Variants in CDIN1 observed in about 807,000 individuals in gnomAD.
CDIN1 encodes the protein CDAN1 interacting nuclease 1.
Under a neutral mutation model 45.3 loss-of-function variants are expected in CDIN1, and 33 were observed. The ratio of observed to expected loss-of-function variants is 0.73; its 90% CI spans 0.55 to 0.97. The LOEUF (loss-of-function observed/expected upper bound fraction) is 0.97, where lower values mean the gene tolerates loss of function less well. Ranked by LOEUF, CDIN1 falls within the 50% of genes least tolerant of loss-of-function variation. The probability of loss-of-function intolerance (pLI) is 0.00; values close to 1 mark genes in which losing one functional copy is unlikely to be tolerated. For synonymous variants in CDIN1, 118 were observed against 124.4 expected (o/e 0.95, Z 0.34); for missense variants, 303 against 339.4 (o/e 0.89, Z 0.84).
chr15:36,737,815 G>A (rs1212443398), intron 10 of CDIN1, among the ~76,000 whole-genome samples: 2 of 152,190 alleles, frequency 1.3e-5, no homozygotes, highest in African/African-American at 4.8e-5. Flanking sequence ...CTGGGTGTGG[G>A]AGGTACATAG....
intron 10 of CDIN1, among the ~76,000 whole-genome samples, chr15:36,782,439 T>C (rs2054377055): frequency 6.6e-6 from 1 of 152,208 alleles, no homozygotes; most frequent in African/African-American, 2.4e-5. Flanking sequence ...ACTAATAATT[T>C]AGCATTTTTG....
chr15:36,774,290 A>G (rs2054163771), intron 10 of CDIN1, among the ~76,000 whole-genome samples: 1 of 152,136 alleles, frequency 6.6e-6, no homozygotes, highest in African/African-American at 2.4e-5. Context: ...CAAACTGGAA[A>G]TTCATCTAAA....
At chr15:36,796,519 C>T (rs2054804491) in intron 10 of CDIN1, among the ~76,000 whole-genome samples, 1 of 152,216 alleles carries the variant, frequency 6.6e-6, no homozygotes, top group South Asian at 2.1e-4. Context: ...TTTTCCACCA[C>T]ACAGACCCTC....
chr15:36,580,752 T>A (rs180675629), intron 1 of CDIN1, among the ~76,000 whole-genome samples: 34 of 152,348 alleles, frequency 2.2e-4, no homozygotes, highest in Middle Eastern at 6.8e-3. Flanking sequence ...TATGTTGTGT[T>A]AAAAGCAGAG....
chr15:36,774,800 A>T (rs1301910945), intron 10 of CDIN1, among the ~76,000 whole-genome samples: 2 of 152,138 alleles, frequency 1.3e-5, no homozygotes, highest in African/African-American at 4.8e-5. Flanking sequence ...AAAGAAAATA[A>T]ATCTGTCGCA....
At position 36,627,237 on chromosome 15, in the gene CDIN1, G is replaced by A. The variant is rs116190151; in HGVS notation, c.102-17041G>A. The A allele has an allele frequency of 6.6e-3, 1,128 of 170,084 alleles. 19 individuals are homozygous for A. Among genetic ancestry groups the A allele is most frequent in the African/African-American group, 0.026 (1,087 of 41,890 alleles). The allele number at this position is 170,084 out of a possible 1,614,324, so 10.5% of individuals were successfully genotyped here. ...AAGCCTGGGTAGTGACCTTGCAATAGTGACCTTGCATGTGATCAAGGAGTG... is the reference window on the plus strand; with the variant it reads ...AAGCCTGGGTAGTGACCTTGCAATAATGACCTTGCATGTGATCAAGGAGTG... On this transcript the variant is annotated intron_variant, in intron 1 of 10. Transcript: ENST00000566621.
chr15:36,703,041 C>T (rs8030684), intron 8 of CDIN1, among the ~76,000 whole-genome samples: 90,747 of 146,958 alleles, frequency 0.62, 28,421 homozygotes, highest in East Asian at 0.7. Context: ...CGCCACTCCC[C>T]CAACGTCCAC....
chr15:36,656,135 A>G (rs1161308708), intron 4 of CDIN1, among the ~76,000 whole-genome samples: 2 of 152,230 alleles, frequency 1.3e-5, no homozygotes, highest in African/African-American at 4.8e-5. Flanking sequence ...GGCTGGTACC[A>G]TATTATAGCT....
At chr15:36,748,062 A>C (rs1279690025) in intron 10 of CDIN1, among the ~76,000 whole-genome samples, 2 of 152,226 alleles carry the variant, frequency 1.3e-5, no homozygotes, top group Admixed American at 1.3e-4. Context: ...GCAGTGGGAA[A>C]TAACTTTGGT....
chr15:36,734,736 A>G (rs968467492), intron 10 of CDIN1, among the ~76,000 whole-genome samples: 4 of 152,162 alleles, frequency 2.6e-5, no homozygotes, highest in Non-Finnish European at 5.9e-5. Flanking sequence ...CAATCTCAGA[A>G]GGTTGTGTTT....
At chr15:36,593,826 A>G (rs1387815915) in intron 1 of CDIN1, among the ~76,000 whole-genome samples, 1 of 152,154 alleles carries the variant, frequency 6.6e-6, no homozygotes, top group Non-Finnish European at 1.5e-5. Flanking sequence ...GGCCTCCCAA[A>G]GTGCTGGGAT....
intron 10 of CDIN1, chr15:36,799,447 C>T (rs1417679883): frequency 6.6e-6 from 1 of 152,174 alleles, no homozygotes; most frequent in African/African-American, 2.4e-5. Flanking sequence ...CTTCTGACCC[C>T]ATCATCCCTC....
At chr15:36,787,478 T>C (rs1408936881) in intron 10 of CDIN1, among the ~76,000 whole-genome samples, 2 of 152,240 alleles carry the variant, frequency 1.3e-5, no homozygotes, top group Admixed American at 6.5e-5. Flanking sequence ...GGACTACTTT[T>C]CTAGCCCTTT....
chr15:36,642,575 G>C (rs2040152625), intron 1 of CDIN1, among the ~76,000 whole-genome samples: 1 of 152,192 alleles, frequency 6.6e-6, no homozygotes, highest in African/African-American at 2.4e-5. Context: ...TCTAGCTAAA[G>C]ACGTTTTTCT....
chr15:36,648,029 C>T (rs59500512), intron 3 of CDIN1, among the ~76,000 whole-genome samples: 1,732 of 152,046 alleles, frequency 0.011, 27 homozygotes, highest in African/African-American at 0.04. Context: ...TTAGTAGAGA[C>T]GGGGTTTCAC....
chr15:36,650,866 C>T (rs1225169293), intron 3 of CDIN1, among the ~76,000 whole-genome samples: 5 of 151,978 alleles, frequency 3.3e-5, no homozygotes, highest in African/African-American at 1.2e-4. Flanking sequence ...ATTTCGAGAC[C>T]AGCTTAGCCA....
rs560283289 is a variant in CDIN1 at position 36,579,790 on chromosome 15, C to T, written c.-71C>T. 4.4e-5 allele frequency: 57 copies of T among 1,298,086 alleles called. No individual in the cohort carries two copies. The highest frequency in any genetic ancestry group is 5.5e-5 in the Non-Finnish European group (51 of 928,698). The allele number at this position is 1,298,086 out of a possible 1,614,324, so 80.4% of individuals were successfully genotyped here. ...GCCGCTTTGCCTACCCCTCATCCCT[C>T]GGCACCAAGGCTACTTGAGCCCCAG... On this transcript the variant is annotated 5_prime_UTR_variant, in exon 1 of 11. Transcript: ENST00000566621.
At chr15:36,623,481 A>G (rs2039291164) in intron 1 of CDIN1, among the ~76,000 whole-genome samples, 1 of 152,250 alleles carries the variant, frequency 6.6e-6, no homozygotes, top group Admixed American at 6.5e-5. Context: ...GTTGAACTTC[A>G]GTAGTGAATG....
intron 10 of CDIN1, among the ~76,000 whole-genome samples, chr15:36,722,992 T>A (rs1370306357): frequency 6.6e-6 from 1 of 151,998 alleles, no homozygotes; most frequent in East Asian, 1.9e-4. Context: ...TGTGTTTCTC[T>A]CTCCCTTACA....
Sources: gnomAD v4.1 joint callset for allele counts (sites outside exome capture counted in the v4.1 genomes callset) on GRCh38, gnomAD v4.1.1 for gene constraint, MANE v1.5 for transcripts, NCBI Gene and HGNC (gene_info 2026-07-23, HGNC 2026-07-21) for gene names.